TAB2: variants seen among roughly 807,000 people sequenced by gnomAD.
TAB2 encodes the protein TGF-beta activated kinase 1 (MAP3K7) binding protein 2, also known as TGF-beta-activated kinase 1 and MAP3K7-binding protein 2.
A neutral mutation model predicts 65.0 loss-of-function variants in TAB2; 3 were observed. The ratio of observed to expected loss-of-function variants is 0.05; its 90% confidence interval spans 0.02 to 0.12. TAB2 has a LOEUF of 0.12. Among genes scored for constraint, TAB2 ranks in the 10% least tolerant of loss-of-function variants. TAB2 has a pLI of 1.00. For missense variants in TAB2, 623 were observed against 840.3 expected, an observed-to-expected ratio of 0.74 and a Z score of 3.20; for synonymous variants, 298 against 285.1, an observed-to-expected ratio of 1.05 and a Z score of -0.46.
chr6:149,348,965 C>G (rs1478390108), intron 1 of TAB2, among the ~76,000 whole-genome samples: 1 of 149,832 alleles, frequency 6.7e-6, no homozygotes, highest in Non-Finnish European at 1.5e-5. Context: ...AAAACTCCAT[C>G]TCAAAAAATT....
intron 1 of TAB2, among the ~76,000 whole-genome samples, chr6:149,368,440 C>G (rs1781109985): frequency 6.7e-6 from 1 of 149,758 alleles, no homozygotes; most frequent in African/African-American, 2.5e-5. Flanking sequence ...TACGTATAAA[C>G]AACCCTTTCC....
intron 1 of TAB2, among the ~76,000 whole-genome samples, chr6:149,223,859 C>G (rs1777210538): frequency 1.3e-5 from 2 of 151,696 alleles, no homozygotes; most frequent in South Asian, 4.2e-4. Flanking sequence ...TGTAAATATT[C>G]CTTTAATCTG....
chr6:149,409,027 T>A, intron 6 of TAB2, among the ~76,000 whole-genome samples: 1 of 152,208 alleles, frequency 6.6e-6, no homozygotes. Context: ...TATGGTAAAA[T>A]TTTTACATAG....
chr6:149,359,960 A>G (rs1780790009), intron 1 of TAB2, among the ~76,000 whole-genome samples: 1 of 152,214 alleles, frequency 6.6e-6, no homozygotes, highest in South Asian at 2.1e-4. Flanking sequence ...TTGAGATAAT[A>G]GTATAAGTAG....
At chr6:149,224,365 A>G (rs1777221585) in intron 1 of TAB2, among the ~76,000 whole-genome samples, 2 of 152,226 alleles carry the variant, frequency 1.3e-5, no homozygotes, top group South Asian at 4.1e-4. Flanking sequence ...AAAATTCATT[A>G]ATTTTAACCT....
intron 1 of TAB2, among the ~76,000 whole-genome samples, chr6:149,322,306 A>G (rs1779481342): frequency 6.6e-6 from 1 of 152,168 alleles, no homozygotes; most frequent in Admixed American, 6.5e-5. Context: ...TTAGGGAATG[A>G]ACATTGCTTA....
At chr6:149,333,708 A>AGT (rs61004397) in intron 1 of TAB2, among the ~76,000 whole-genome samples, 31,788 of 144,680 alleles carry the variant, frequency 0.22, 3,524 homozygotes, top group East Asian at 0.47. Flanking sequence ...CCAGATCCAT[A>AGT]GTGTGTGTGT....
In TAB2 at chr6:149,409,827, G is replaced by A. The variant is rs932615667; in HGVS notation, c.*108G>A. ...CATAGGATTTTGTCAAATTGAAGGT[G>A]TGACAAGATGGTGTTCTGCTAATGT... On this transcript the variant is annotated 3_prime_UTR_variant, in exon 7 of 7. Coordinates refer to ENST00000637181, the MANE Select transcript of TAB2 (RefSeq NM_001292034.3). 1.3e-5 allele frequency: 17 copies of A among 1,269,982 alleles called. No homozygotes were observed. The highest frequency in any genetic ancestry group is 6.0e-5 in the South Asian group (5 of 83,034). 78.7% of individuals were successfully genotyped at this position (1,269,982 alleles called of 1,614,324 possible). A position where few individuals can be genotyped will look rare whatever the true frequency, so the allele number is the denominator to read the frequency against.
At chr6:149,344,419 G>A (rs1303882219) in intron 1 of TAB2, among the ~76,000 whole-genome samples, 1 of 152,128 alleles carries the variant, frequency 6.6e-6, no homozygotes, top group East Asian at 1.9e-4. Flanking sequence ...CAGCTTTGTG[G>A]AGAAGGTAAT....
At chr6:149,234,295 G>T (rs989447233) in intron 1 of TAB2, among the ~76,000 whole-genome samples, 1 of 152,140 alleles carries the variant, frequency 6.6e-6, no homozygotes, top group Non-Finnish European at 1.5e-5. Flanking sequence ...CTTGCTACTC[G>T]GATGTTTTAA....
Position 149,260,303 on chromosome 6 carries a change from G to A in TAB2, c.-121+41527G>A, listed in dbSNP as rs1311983754. Reference sequence around the variant, plus strand: ...AACATCCAAGAAGTGGGTTTGGAACGGGAGGAGAGAGGTTGAGCTGAAAGC... The same window carrying A: ...AACATCCAAGAAGTGGGTTTGGAACAGGAGGAGAGAGGTTGAGCTGAAAGC... On this transcript the variant is annotated intron_variant, in intron 1 of 1. Transcript: ENST00000606202. 5.9e-5 allele frequency among the ~76,000 whole-genome samples: 9 copies of A among 152,320 alleles called. No homozygotes were observed. The East Asian group carries it at 7.7e-4, about 13-fold the overall frequency.
chr6:149,310,457 A>G (rs1005101287), intron 1 of TAB2, among the ~76,000 whole-genome samples: 5 of 152,128 alleles, frequency 3.3e-5, no homozygotes, highest in Non-Finnish European at 7.4e-5. Context: ...CTTTCAATAG[A>G]CTTTTTAGAT....
At chr6:149,363,979 T>G (rs1562435044) in intron 1 of TAB2, among the ~76,000 whole-genome samples, 6 of 152,222 alleles carry the variant, frequency 3.9e-5, no homozygotes. Flanking sequence ...AAATCAACTT[T>G]GACACCTCCT....
chr6:149,399,012 C>T (rs36071026), intron 5 of TAB2, 92 bp from the exon 6 acceptor site: 4 of 1,053,968 alleles, frequency 3.8e-6, no homozygotes, highest in Non-Finnish European at 5.7e-6. Context: ...TTTCTTATAG[C>T]GTGTTTATTT....
chr6:149,370,602 A>G (rs892092952), intron 2 of TAB2, among the ~76,000 whole-genome samples: 15 of 152,100 alleles, frequency 9.9e-5, no homozygotes, highest in African/African-American at 3.1e-4. Context: ...CAAATGGGGG[A>G]AAAAAGTCTG....
intron 1 of TAB2, among the ~76,000 whole-genome samples, chr6:149,227,924 T>C (rs1353554731): frequency 2.0e-5 from 3 of 152,176 alleles, no homozygotes; most frequent in African/African-American, 7.2e-5. Flanking sequence ...AAAAATCTGC[T>C]AACATAGTTG....
chr6:149,275,084 C>G (rs1778429614), intron 1 of TAB2, among the ~76,000 whole-genome samples: 1 of 149,630 alleles, frequency 6.7e-6, no homozygotes, highest in South Asian at 2.1e-4. Context: ...GATATTGTAA[C>G]AATATCCCAT....
At chr6:149,263,499 G>C (rs1176271135) in intron 1 of TAB2, among the ~76,000 whole-genome samples, 1 of 152,182 alleles carries the variant, frequency 6.6e-6, no homozygotes, top group Non-Finnish European at 1.5e-5. Flanking sequence ...AGTAATTTAT[G>C]ATATGAAAAA....
intron 1 of TAB2, among the ~76,000 whole-genome samples, chr6:149,236,189 A>G (rs560516106): frequency 1.2e-4 from 18 of 152,326 alleles, no homozygotes; most frequent in Admixed American, 2.0e-4. Flanking sequence ...CCACTACACA[A>G]TATACGCATG....
Sources: allele counts gnomAD v4.1 joint callset (sites outside exome capture counted in the v4.1 genomes callset), GRCh38; gene constraint gnomAD v4.1.1; transcripts MANE v1.5; gene names NCBI Gene and HGNC (gene_info 2026-07-23, HGNC 2026-07-21).